The following FOXI1 variants were observed in gnomAD, a reference collection of about 807,000 sequenced individuals.
FOXI1 encodes the protein forkhead box I1, also known as forkhead box protein I1.
Under a neutral mutation model 16.4 loss-of-function variants are expected in FOXI1, and 11 were observed. The ratio of observed to expected loss-of-function variants is 0.67; its 90% CI spans 0.42 to 1.11. FOXI1 has a LOEUF of 1.11. FOXI1 is among the 50% of genes least tolerant of loss of function. The pLI is 0.00. For synonymous variants in FOXI1, 218 were observed against 211.5 expected (o/e 1.03, Z -0.27); for missense variants, 480 against 506.1 (o/e 0.95, Z 0.49).
intron 1 of FOXI1, chr5:170,107,100 C>A: frequency 1.9e-6 from 1 of 517,470 alleles, no homozygotes; most frequent in Non-Finnish European, 2.5e-6. Context: ...TGCAGGGTAG[C>A]TCTTATGAAA....
At chr5:170,108,022 A>T (rs777243970) in intron 1 of FOXI1, 27 bp from the exon 2 acceptor site, 1 of 1,570,206 alleles carries the variant, frequency 6.4e-7, no homozygotes, top group Non-Finnish European at 8.8e-7. Context: ...CCACCTCTCT[A>T]TTTACCCCCT....
chr5:170,108,367 C>T lies in FOXI1; in HGVS notation c.893C>T (p.Pro298Leu). The T allele has an allele frequency of 6.2e-7, 1 of 1,614,132 alleles. No homozygotes were observed. ...AGCGGGGGGAGCCCCACGAGCCACC[C>T]CTTGGTCACACCAGGACTGAGCCCT... ...YVSGGSPTSHPLVTPGLSPEP... is the reference protein window; with the variant it reads ...YVSGGSPTSHLLVTPGLSPEP... The change falls in exon 2 of 2, where the codon CCC (proline) becomes CTC (leucine). Residue 298 changes from proline (P) to leucine (L), a missense_variant. By Grantham distance (98) the Pro-to-Leu change is moderately conservative. Around this residue, in one of 3 missense-constraint regions of FOXI1, gnomAD observed 257 missense variants for 262.2 expected, o/e 0.98. Coordinates refer to ENST00000306268, the MANE Select transcript of FOXI1 (RefSeq NM_012188.5).
chr5:170,106,570 GACTCA>G, intron 1 of FOXI1, 39 bp downstream of exon 1: 1 of 1,612,462 alleles, frequency 6.2e-7, no homozygotes. Flanking sequence ...CCCCAAGGAA[GACTCA>G]CTTCCTTCCT....
intron 1 of FOXI1, among the ~76,000 whole-genome samples, chr5:170,107,811 C>T (rs1455999539): frequency 6.6e-6 from 1 of 152,226 alleles, no homozygotes; most frequent in African/African-American, 2.4e-5. Context: ...ATTGCAAACT[C>T]CTTAATGCTC....
In FOXI1 at chr5:170,108,191, G is replaced by C. The variant is rs549569147; in HGVS notation, c.717G>C (p.Pro239=). The C allele has an allele frequency of 6.2e-7, 1 of 1,614,162 alleles. No homozygotes were observed. The highest frequency in any genetic ancestry group is 1.1e-5 in the South Asian group (1 of 91,078). The change falls in exon 2 of 2, where the codon CCG becomes CCC. Residue 239 remains proline (P), a synonymous_variant. Transcript: ENST00000306268. ...LALEKTESSL[P]VDSPKTTEPQ... Reference sequence around the variant, plus strand: ...TAGAGAAGACAGAGAGCAGTCTCCCGGTGGACAGCCCCAAGACCACGGAGC... The same window carrying C: ...TAGAGAAGACAGAGAGCAGTCTCCCCGTGGACAGCCCCAAGACCACGGAGC...
At position 170,108,705 on chromosome 5, in the gene FOXI1, C is replaced by T. The variant is rs928126345; in HGVS notation, c.*94C>T. On this transcript the variant is annotated 3_prime_UTR_variant, in exon 2 of 2. Transcript: ENST00000306268. ...CCCACGGTGGTCCATGACTGCGGAACTGCCCAGACATAAGCAGGAGCCTCC... is the reference window on the plus strand; with the variant it reads ...CCCACGGTGGTCCATGACTGCGGAATTGCCCAGACATAAGCAGGAGCCTCC... 2.0e-6 allele frequency: 2 copies of T among 977,046 alleles called. No homozygotes were observed. Among genetic ancestry groups the T allele is most frequent in the East Asian group, 2.4e-5 (1 of 41,888 alleles). 60.5% of individuals were successfully genotyped at this position (977,046 alleles called of 1,614,324 possible).
In FOXI1 at chr5:170,105,933, T is replaced by C. The variant is rs369454313; in HGVS notation, c.-25T>C. On this transcript the variant is annotated 5_prime_UTR_variant, in exon 1 of 2. Coordinates refer to ENST00000306268, the MANE Select transcript of FOXI1 (RefSeq NM_012188.5). Reference sequence around the variant, plus strand: ...CTCCGGGGTGCAGGTGCCAGGCAGGTGGCTCCGGCCAGCCCAGCCCCAGCA... The same window carrying C: ...CTCCGGGGTGCAGGTGCCAGGCAGGCGGCTCCGGCCAGCCCAGCCCCAGCA... 25 of 1,567,592 alleles carry C rather than the reference T, an allele frequency of 1.6e-5. No individual in the cohort carries two copies. The African/African-American group carries it at 2.4e-4, about 15-fold the overall frequency.
rs140395588 is a variant in FOXI1 at position 170,108,361 on chromosome 5, G to T, written c.887G>T (p.Ser296Ile). The change falls in exon 2 of 2, where the codon AGC becomes ATC. Residue 296 changes from serine (S) to isoleucine (I), a missense_variant. Physicochemically the swap from Ser to Ile is moderately radical, Grantham distance 142. Coordinates refer to ENST00000306268, the MANE Select transcript of FOXI1 (RefSeq NM_012188.5). Reference sequence around the variant, plus strand: ...TATGTGAGCGGGGGGAGCCCCACGAGCCACCCCTTGGTCACACCAGGACTG... The same window carrying T: ...TATGTGAGCGGGGGGAGCCCCACGATCCACCCCTTGGTCACACCAGGACTG... Reference protein sequence around the residue: ...TAYVSGGSPTSHPLVTPGLSP... With the variant: ...TAYVSGGSPTIHPLVTPGLSP... The T allele has an allele frequency of 8.6e-5, 138 of 1,613,972 alleles. No homozygotes were observed. The highest frequency in any genetic ancestry group is 1.1e-4 in the Non-Finnish European group (131 of 1,180,010).
chr5:170,106,004 C>G lies in FOXI1; in HGVS notation c.47C>G (p.Pro16Arg). ...LPAPSPPRCSPQFPSIGQEPP... is the reference protein window; with the variant it reads ...LPAPSPPRCSRQFPSIGQEPP... ...GCGCCCTCCCCACCTCGCTGCAGCCCCCAGTTCCCCAGCATCGGCCAGGAG... is the reference window on the plus strand; with the variant it reads ...GCGCCCTCCCCACCTCGCTGCAGCCGCCAGTTCCCCAGCATCGGCCAGGAG... Residue 16 changes from proline (P) to arginine (R), a missense_variant, in exon 1 of 2, where the codon CCC (proline) becomes CGC (arginine). Transcript: ENST00000306268. 4.3e-6 allele frequency: 7 copies of G among 1,612,206 alleles called. No individual in the cohort carries two copies. The highest frequency in any genetic ancestry group is 5.9e-6 in the Non-Finnish European group (7 of 1,178,790).
In FOXI1 at chr5:170,108,925, C is replaced by G. The variant is rs2113897673; in HGVS notation, c.*314C>G. On this transcript the variant is annotated 3_prime_UTR_variant, in exon 2 of 2. Transcript: ENST00000306268. ...TCACCCCGTAAGGTTCACAAACCAC[C>G]CCATTGAACAGATGAGGAACTGAGG... 1 of 352,968 alleles carries G rather than the reference C, an allele frequency of 2.8e-6. No homozygotes were observed. The highest frequency in any genetic ancestry group is 5.5e-5 in the East Asian group (1 of 18,332). The allele number at this position is 352,968 out of a possible 1,614,324, so 21.9% of individuals were successfully genotyped here.
intron 1 of FOXI1, 98 bp downstream of exon 1, chr5:170,106,629 C>G: frequency 6.6e-7 from 1 of 1,525,262 alleles, no homozygotes; most frequent in African/African-American, 1.4e-5. Context: ...GGCTGTGCCC[C>G]CCAAGACTGG....
At position 170,106,476 on chromosome 5, in the gene FOXI1, C is replaced by T. The variant is rs1163495753; in HGVS notation, c.519C>T (p.His173=). ...CCGGCTGGCAGAACTCCATCCGCCACAACCTGTCGCTCAACGACTGCTTCA... is the reference window on the plus strand; with the variant it reads ...CCGGCTGGCAGAACTCCATCCGCCATAACCTGTCGCTCAACGACTGCTTCA... ...SKAGWQNSIR[H]NLSLNDCFKK... is the part of the protein sequence containing the mutation. Residue 173 remains histidine, a synonymous_variant, in exon 1 of 2, where the codon CAC becomes CAT. Coordinates refer to ENST00000306268, the MANE Select transcript of FOXI1 (RefSeq NM_012188.5). The T allele has an allele frequency of 6.2e-7, 1 of 1,614,288 alleles. No individual in the cohort carries two copies. The highest frequency in any genetic ancestry group is 1.7e-5 in the Admixed American group (1 of 60,036).
chr5:170,106,597 C>G, intron 1 of FOXI1, 66 bp downstream of exon 1: 1 of 1,596,326 alleles, frequency 6.3e-7, no homozygotes, highest in Non-Finnish European at 8.5e-7. Flanking sequence ...CCCAAGACCC[C>G]ATTCTAGAAA....
In FOXI1 at chr5:170,108,341, G is replaced by A. The variant is rs77249980; in HGVS notation, c.867G>A (p.Val289=). ...NSFLSSMTAY[V]SGGSPTSHPL... is the part of the protein sequence containing the mutation. ...TCCTTTCCTCTATGACAGCCTATGT[G>A]AGCGGGGGGAGCCCCACGAGCCACC... The change falls in exon 2 of 2, where the codon GTG becomes GTA. Residue 289 remains valine (V), a synonymous_variant. Coordinates refer to ENST00000306268, the MANE Select transcript of FOXI1 (RefSeq NM_012188.5). 6.8e-6 allele frequency: 11 copies of A among 1,614,120 alleles called. No homozygotes were observed. The East Asian group carries it at 2.0e-4, about 29-fold the overall frequency.
chr5:170,108,285 C>T lies in FOXI1; in HGVS notation c.811C>T (p.Pro271Ser), dbSNP rs1411674964. The change falls in exon 2 of 2, where the codon CCC becomes TCC. Residue 271 changes from proline (P) to serine (S), a missense_variant. This residue lies in a region of FOXI1 where 257 missense variants were observed against 262.2 expected (regional missense o/e 0.98). Transcript: ENST00000306268. The stretch of plus-strand genomic sequence containing the variant: ...CTCCCCAGAGAAGCGGCCCTCCCCT[C>T]CCCCATCAGGCGCCCCTTGCCTTAA... ...TSSPEKRPSP[P>S]PSGAPCLNSF... The T allele has an allele frequency of 6.2e-7, 1 of 1,614,138 alleles. No homozygotes were observed. Among genetic ancestry groups the T allele is most frequent in the East Asian group, 2.2e-5 (1 of 44,878 alleles).
rs1365290477 is a variant in FOXI1, at chr5:170,109,358, T to G, written c.*747T>G. 1 of 152,256 alleles carries G rather than the reference T, an allele frequency of 6.6e-6. No individual in the cohort carries two copies. The highest frequency in any genetic ancestry group is 1.9e-4 in the East Asian group (1 of 5,190). The allele number at this position is 152,256 out of a possible 1,614,324, so 9.4% of individuals were successfully genotyped here. On this transcript the variant is annotated 3_prime_UTR_variant, in exon 2 of 2. Transcript: ENST00000306268. ...GAGAGACAGCATTGCTCCCCAGCCC[T>G]CCAGAAACCTTGAGCAGATCCAGGG...
chr5:170,105,929 C>T lies in FOXI1; in HGVS notation c.-29C>T. ...GCAGCTCCGGGGTGCAGGTGCCAGG[C>T]AGGTGGCTCCGGCCAGCCCAGCCCC... On this transcript the variant is annotated 5_prime_UTR_variant, in exon 1 of 2. Coordinates refer to ENST00000306268, the MANE Select transcript of FOXI1 (RefSeq NM_012188.5). 1 of 1,541,000 alleles carries T rather than the reference C, an allele frequency of 6.5e-7. No homozygotes were observed. Among genetic ancestry groups the T allele is most frequent in the Non-Finnish European group, 8.9e-7 (1 of 1,117,984 alleles).
intron 1 of FOXI1, chr5:170,107,041 G>A (rs941041891): frequency 4.7e-5 from 46 of 982,868 alleles, no homozygotes; most frequent in Non-Finnish European, 5.4e-5. Context: ...CCATTTTGCT[G>A]CCTGCCTTGT....
In FOXI1 at chr5:170,108,643, G is replaced by A. The variant is rs756286204; in HGVS notation, c.*32G>A. The A allele has an allele frequency of 4.5e-6, 7 of 1,557,636 alleles. No individual in the cohort carries two copies. In the South Asian group the frequency reaches 5.6e-5, roughly 12 times the overall value. On this transcript the variant is annotated 3_prime_UTR_variant, in exon 2 of 2. Coordinates refer to ENST00000306268, the MANE Select transcript of FOXI1 (RefSeq NM_012188.5). ...AACAGCTCCTGAGCCAGGTGGACAT[G>A]CCAGAGAGAAAAGCAGTAGAGGTCC...
Sources: gnomAD v4.1 joint callset for allele counts (sites outside exome capture counted in the v4.1 genomes callset) on GRCh38, gnomAD v4.1.1 for gene constraint, gnomAD v4.1.1 regional missense constraint, MANE v1.5 for transcripts, NCBI Gene and HGNC (gene_info 2026-07-23, HGNC 2026-07-21) for gene names.